USPL1: variants seen among roughly 807,000 people sequenced by gnomAD.
USPL1 encodes the protein ubiquitin specific peptidase like 1, also known as SUMO-specific isopeptidase USPL1.
In USPL1, 27 loss-of-function variants were observed where a neutral mutation model predicts 51.5. The ratio of observed to expected loss-of-function variants is 0.52; its 90% CI spans 0.39 to 0.72. USPL1 has a LOEUF of 0.72. USPL1 is among the 30% of genes least tolerant of loss of function. USPL1 has a pLI of 0.00. For synonymous variants in USPL1, 451 were observed against 459.6 expected (o/e 0.98, Z 0.24); for missense variants, 1,226 against 1,268.0 (o/e 0.97, Z 0.50).
rs1248989602 is a variant in USPL1, at chr13:30,658,624, A to T, written c.2547A>T (p.Glu849Asp). Residue 849 changes from glutamate (E) to aspartate (D), a missense_variant, in exon 9 of 9, where the codon GAA becomes GAT. Transcript: ENST00000255304. ...ACCCACATGCTCATGCTGCTTCAGAAGTTTTGGAAAAGTCTGGAAGCACCT... is the reference window on the plus strand; with the variant it reads ...ACCCACATGCTCATGCTGCTTCAGATGTTTTGGAAAAGTCTGGAAGCACCT... ...AAHPHAHAAS[E>D]VLEKSGSTSC... The T allele has an allele frequency of 1.2e-6, 2 of 1,614,096 alleles. No homozygotes were observed. The highest frequency in any genetic ancestry group is 1.7e-6 in the Non-Finnish European group (2 of 1,180,038).
chr13:30,635,354 A>AT (rs1279994952), intron 4 of USPL1, among the ~76,000 whole-genome samples: 2 of 152,024 alleles, frequency 1.3e-5, no homozygotes, highest in African/African-American at 4.8e-5. Flanking sequence ...GTAAGGATCC[A>AT]TTTTTTTCCC....
At chr13:30,619,360 T>G (rs1468604713) in intron 1 of USPL1, among the ~76,000 whole-genome samples, 5 of 152,140 alleles carry the variant, frequency 3.3e-5, no homozygotes, top group Non-Finnish European at 7.4e-5. Context: ...ACCTATCTGG[T>G]TTTTCCCGCT....
chr13:30,620,988 CTA>C (rs1950639211), intron 1 of USPL1, 83 bp from the exon 2 acceptor site: 1 of 599,064 alleles, frequency 1.7e-6, no homozygotes, highest in African/African-American at 2.0e-5. Context: ...AATCTGCTTA[CTA>C]TATACGTCTT....
At chr13:30,625,637 G>C (rs1950705348) in intron 3 of USPL1, among the ~76,000 whole-genome samples, 1 of 151,790 alleles carries the variant, frequency 6.6e-6, no homozygotes, top group Admixed American at 6.6e-5. Flanking sequence ...GTAGAGACGG[G>C]GTTTCACTAT....
rs551077000 is a variant in USPL1, at chr13:30,658,501, C to A, written c.2424C>A (p.Ala808=). The A allele has an allele frequency of 1.2e-6, 2 of 1,613,906 alleles. No individual in the cohort carries two copies. Among genetic ancestry groups the A allele is most frequent in the South Asian group, 1.1e-5 (1 of 91,080 alleles). Residue 808 remains alanine, a synonymous_variant, in exon 9 of 9, where the codon GCC becomes GCA. Transcript: ENST00000255304. ...AAACTAAAGGTATAAACCAGAAGGC[C>A]AGCCACGTATCCAAGAAAGCTCGTA... The part of the protein sequence containing the change: ...GFKTKGINQK[A]SHVSKKARKS...
At chr13:30,638,402 A>C (rs1355314121) in intron 5 of USPL1, among the ~76,000 whole-genome samples, 2 of 152,080 alleles carry the variant, frequency 1.3e-5, no homozygotes, top group African/African-American at 4.8e-5. Context: ...TGGCCAGTGG[A>C]TATTAAGAGA....
Position 30,659,242 on chromosome 13 carries a change from T to C in USPL1, c.3165T>C (p.Ser1055=). The stretch of plus-strand genomic sequence containing the variant: ...GCGTTAGAACATTAAACTTGGAGAG[T>C]CCGATGAAGACTGATATTTTCGATG... ...NACVRTLNLE[S]PMKTDIFDEF... Residue 1055 remains serine, a synonymous_variant, in exon 9 of 9, where the codon AGT becomes AGC. Coordinates refer to ENST00000255304, the MANE Select transcript of USPL1 (RefSeq NM_005800.5). 1 of 1,613,994 alleles carries C rather than the reference T, an allele frequency of 6.2e-7. No individual in the cohort carries two copies.
chr13:30,629,614 G>A (rs1950773085), intron 3 of USPL1, among the ~76,000 whole-genome samples: 1 of 152,162 alleles, frequency 6.6e-6, no homozygotes, highest in Non-Finnish European at 1.5e-5. Context: ...GTTGGTACTA[G>A]CTGCTAGCTG....
intron 5 of USPL1, 85 bp downstream of exon 5, chr13:30,637,942 A>C: frequency 1.9e-6 from 2 of 1,033,088 alleles, no homozygotes; most frequent in Non-Finnish European, 2.9e-6. Flanking sequence ...ATACTGTTTG[A>C]TTACCTTGGA....
chr13:30,630,353 A>C (rs1950784955), intron 3 of USPL1, among the ~76,000 whole-genome samples: 1 of 152,230 alleles, frequency 6.6e-6, no homozygotes, highest in South Asian at 2.1e-4. Context: ...TCTAAACCCA[A>C]TAAAGATGTA....
intron 3 of USPL1, among the ~76,000 whole-genome samples, chr13:30,625,451 T>G (rs142502236): frequency 0.019 from 2,695 of 145,330 alleles, 63 homozygotes; most frequent in East Asian, 0.11. Context: ...TTTGTTTTTT[T>G]TTTTTTTTTT....
intron 1 of USPL1, among the ~76,000 whole-genome samples, chr13:30,620,535 T>G (rs1381380038): frequency 4.6e-5 from 7 of 152,246 alleles, no homozygotes; most frequent in African/African-American, 1.7e-4. Flanking sequence ...TGGTGTAAAT[T>G]AGATCATTTA....
intron 2 of USPL1, among the ~76,000 whole-genome samples, chr13:30,621,469 A>G (rs1950646309): frequency 6.6e-6 from 1 of 152,176 alleles, no homozygotes; most frequent in Non-Finnish European, 1.5e-5. Context: ...CTTTGAAAAT[A>G]TGGTACATAA....
At chr13:30,647,352 C>G (rs1293207370) in intron 7 of USPL1, among the ~76,000 whole-genome samples, 1 of 151,980 alleles carries the variant, frequency 6.6e-6, no homozygotes, top group Non-Finnish European at 1.5e-5. Flanking sequence ...CTCTCCTCTG[C>G]CAAGTGTATG....
At chr13:30,629,793 T>C (rs1950775964) in intron 3 of USPL1, among the ~76,000 whole-genome samples, 1 of 152,118 alleles carries the variant, frequency 6.6e-6, no homozygotes, top group African/African-American at 2.4e-5. Context: ...ATGTATATCA[T>C]GTGTGCTAAT....
chr13:30,621,306 T>G, intron 2 of USPL1, 67 bp downstream of exon 2: 1 of 1,198,914 alleles, frequency 8.3e-7, no homozygotes, highest in Non-Finnish European at 1.2e-6. Flanking sequence ...AGACTTAAAT[T>G]CAATTTTGAT....
chr13:30,626,395 T>G (rs1176494826), intron 3 of USPL1, among the ~76,000 whole-genome samples: 1 of 152,152 alleles, frequency 6.6e-6, no homozygotes, highest in Non-Finnish European at 1.5e-5. Context: ...TAAATGAAAT[T>G]CAAATTTCAG....
chr13:30,618,826 AATACTACCTTTAGGTT>A (rs1950607580), intron 1 of USPL1, among the ~76,000 whole-genome samples: 1 of 152,212 alleles, frequency 6.6e-6, no homozygotes, highest in African/African-American at 2.4e-5. Flanking sequence ...TTTAGGTCAT[AATACTACCTTTAGGTT>A]ATATTGGGCT....
intron 3 of USPL1, 117 bp from the exon 4 acceptor site, chr13:30,630,718 T>TA (rs1441672490): frequency 4.3e-6 from 5 of 1,153,088 alleles, no homozygotes; most frequent in Non-Finnish European, 5.9e-6. Flanking sequence ...TGTATAAATA[T>TA]AACCTGTCAT....
Sources: gnomAD v4.1 joint callset for allele counts (sites outside exome capture counted in the v4.1 genomes callset) on GRCh38, gnomAD v4.1.1 for gene constraint, MANE v1.5 for transcripts, NCBI Gene and HGNC (gene_info 2026-07-23, HGNC 2026-07-21) for gene names.